UNC45B: variants seen among roughly 807,000 people sequenced by gnomAD.
The protein encoded by UNC45B is protein unc-45 homolog B.
A neutral mutation model predicts 98.7 loss-of-function variants in UNC45B; 78 were observed. That is an observed-to-expected ratio of 0.79 (90% CI 0.66 to 0.95). The LOEUF is 0.95. Among genes scored for constraint, UNC45B ranks in the 40% least tolerant of loss-of-function variants. UNC45B has a pLI of 0.00. For missense variants in UNC45B, 1,225 were observed against 1,184.9 expected (o/e 1.03, Z -0.50); for synonymous variants, 462 against 480.4 (o/e 0.96, Z 0.50).
intron 9 of UNC45B, chr17:35,164,621 A>G (rs1597917061): frequency 6.5e-6 from 1 of 152,856 alleles, no homozygotes; most frequent in South Asian, 2.1e-4. Flanking sequence ...GCCACATTCT[A>G]TTCGTTAGAA....
chr17:35,152,755 T>A, intron 4 of UNC45B, 138 bp from the exon 5 acceptor site: 1 of 740,244 alleles, frequency 1.4e-6, no homozygotes, highest in African/African-American at 1.7e-5. Context: ...AGTAAATGTT[T>A]GTCGAATGAA....
At chr17:35,149,161 C>G (rs1477470508) in intron 3 of UNC45B, 152 bp downstream of exon 3, 1 of 972,460 alleles carries the variant, frequency 1.0e-6, no homozygotes, top group African/African-American at 1.6e-5. Flanking sequence ...GGAAACATAT[C>G]CTGTGAAGAG....
chr17:35,169,628 T>C (rs1409475483), intron 10 of UNC45B, among the ~76,000 whole-genome samples: 1 of 152,110 alleles, frequency 6.6e-6, no homozygotes, highest in African/African-American at 2.4e-5. Context: ...TGCAACTTTA[T>C]GGGCCTCTAC....
intron 14 of UNC45B, among the ~76,000 whole-genome samples, chr17:35,175,159 G>A (rs2092224168): frequency 6.6e-6 from 1 of 151,324 alleles, no homozygotes; most frequent in Non-Finnish European, 1.5e-5. Flanking sequence ...AAGAAAGAGG[G>A]AAAGAAGGAA....
At chr17:35,175,589 A>G (rs2092226863) in intron 14 of UNC45B, among the ~76,000 whole-genome samples, 1 of 152,190 alleles carries the variant, frequency 6.6e-6, no homozygotes, top group Non-Finnish European at 1.5e-5. Context: ...CTCCTGCAAT[A>G]TGTCTGGGGC....
At chr17:35,185,316 A>AT (rs35465770) in intron 19 of UNC45B, among the ~76,000 whole-genome samples, 39 of 150,266 alleles carry the variant, frequency 2.6e-4, no homozygotes, top group Middle Eastern at 6.8e-3. Context: ...TTTTATTTTT[A>AT]TTTTTTTTTG....
At chr17:35,159,203 T>C (rs2092084371) in intron 7 of UNC45B, among the ~76,000 whole-genome samples, 172 bp from the exon 8 acceptor site, 2 of 152,106 alleles carry the variant, frequency 1.3e-5, no homozygotes, top group Non-Finnish European at 2.9e-5. Flanking sequence ...GTCTAGGGAT[T>C]TCTCTCCCTT....
rs562206009 is a variant in UNC45B, at chr17:35,186,806, T to A, written c.*247T>A. 20 of 404,508 alleles carry A rather than the reference T, an allele frequency of 4.9e-5. No individual in the cohort carries two copies. In the East Asian group the frequency reaches 6.7e-4, roughly 13 times the overall value. The allele number at this position is 404,508 out of a possible 1,614,324, so 25.1% of individuals were successfully genotyped here. ...TGTCATGTTTCAGAAATTCCCAGAA[T>A]AATTTTCACCCATGATTAGAAATAG... On this transcript the variant is annotated 3_prime_UTR_variant, in exon 20 of 20. Transcript: ENST00000394570.
intron 17 of UNC45B, among the ~76,000 whole-genome samples, chr17:35,180,156 C>G (rs2092263383): frequency 1.3e-5 from 2 of 152,006 alleles, no homozygotes; most frequent in South Asian, 4.1e-4. Context: ...CTCTCCTCTC[C>G]TTTCTGTATT....
intron 5 of UNC45B, 47 bp from the exon 6 acceptor site, chr17:35,154,527 G>C (rs760263687): frequency 2.3e-5 from 37 of 1,589,988 alleles, no homozygotes; most frequent in Non-Finnish European, 3.0e-5. Context: ...TCCAGGCCTG[G>C]GTGGCCGTAC....
intron 4 of UNC45B, 130 bp from the exon 5 acceptor site, chr17:35,152,763 G>A: frequency 1.3e-6 from 1 of 753,906 alleles, no homozygotes; most frequent in Non-Finnish European, 2.4e-6. Flanking sequence ...TTTGTCGAAT[G>A]AATACATGAA....
intron 14 of UNC45B, among the ~76,000 whole-genome samples, chr17:35,175,166 G>A (rs2092224220): frequency 6.6e-6 from 1 of 151,488 alleles, no homozygotes; most frequent in Non-Finnish European, 1.5e-5. Flanking sequence ...AGGGAAAGAA[G>A]GAAAGGAAGG....
At chr17:35,169,757 A>G in intron 10 of UNC45B, 80 bp from the exon 11 acceptor site, 2 of 1,281,702 alleles carry the variant, frequency 1.6e-6, no homozygotes, top group South Asian at 1.2e-5. Flanking sequence ...TGGCCATAGA[A>G]ACCTGTTTGA....
intron 8 of UNC45B, among the ~76,000 whole-genome samples, chr17:35,161,614 A>AT (rs1288005679): frequency 6.6e-6 from 1 of 152,178 alleles, no homozygotes; most frequent in Non-Finnish European, 1.5e-5. Flanking sequence ...TGCTTGTTGC[A>AT]TAATAAGAAA....
rs202199748 is a variant in UNC45B, at chr17:35,177,511, G to A, written c.2156G>A (p.Arg719Gln). The change falls in exon 17 of 20, where the codon CGG (arginine) becomes CAG (glutamine). Residue 719 changes from arginine (R) to glutamine (Q), a missense_variant. Coordinates refer to ENST00000394570, the MANE Select transcript of UNC45B (RefSeq NM_001267052.2). ...FPGERVYEVV[R>Q]PLVRLLDTQR... ...CCCCAACAGGTGTATGAGGTGGTGC[G>A]GCCCCTTGTAAGACTCTTGGACACA... 1.9e-3 allele frequency: 3,002 copies of A among 1,562,998 alleles called. 84 individuals are homozygous for A. The South Asian group carries it at 0.033, about 17-fold the overall frequency.
chr17:35,153,484 C>T (rs577336652), intron 5 of UNC45B, among the ~76,000 whole-genome samples: 20 of 136,108 alleles, frequency 1.5e-4, no homozygotes, highest in Non-Finnish European at 3.0e-4. Flanking sequence ...AAACTTGTTA[C>T]CTTTTTTTTT....
At chr17:35,157,492 A>G (rs2092072305) in intron 7 of UNC45B, among the ~76,000 whole-genome samples, 3 of 152,180 alleles carry the variant, frequency 2.0e-5, no homozygotes, top group South Asian at 2.1e-4. Flanking sequence ...GTGAGCCACC[A>G]TACCTGGCCA....
In UNC45B at chr17:35,168,123, T is replaced by C. The variant is rs1447594866; in HGVS notation, c.1214T>C (p.Ile405Thr). Residue 405 changes from isoleucine to threonine, a missense_variant, in exon 10 of 20, where the codon ATC (isoleucine) becomes ACC (threonine). Transcript: ENST00000394570. ...AATGCCATCCAGACAGTGTCAGGGA[T>C]CCTGCAGGGCCCCTTTGACCTGGGC... ...NLNAIQTVSG[I>T]LQGPFDLGNQ... 6.3e-7 allele frequency: 1 copy of C among 1,589,174 alleles called. No homozygotes were observed. The highest frequency in any genetic ancestry group is 1.8e-5 in the Admixed American group (1 of 57,086).
chr17:35,176,601 A>G (rs905733627), intron 15 of UNC45B, among the ~76,000 whole-genome samples: 1 of 152,064 alleles, frequency 6.6e-6, no homozygotes. Context: ...ACTTGCTTGA[A>G]CCCAGGAGGA....
Sources: allele counts gnomAD v4.1 joint callset (sites outside exome capture counted in the v4.1 genomes callset), GRCh38; gene constraint gnomAD v4.1.1; transcripts MANE v1.5; gene names NCBI Gene and HGNC (gene_info 2026-07-23, HGNC 2026-07-21).